The following PVT1 variants were observed in gnomAD, a reference collection of about 807,000 sequenced individuals.
PVT1 encodes the protein CXCR4/PVT1 fusion.
chr8:128,065,908 G>A (rs1340089854), intron 4 of PVT1, among the ~76,000 whole-genome samples: 1 of 152,240 alleles, frequency 6.6e-6, no homozygotes, highest in Admixed American at 6.5e-5. Context: ...GAGTCCTACT[G>A]TGTGCCCCAC....
chr8:128,058,330 G>T (rs1813786443), intron 4 of PVT1, among the ~76,000 whole-genome samples: 1 of 151,928 alleles, frequency 6.6e-6, no homozygotes, highest in African/African-American at 2.4e-5. Context: ...CAGAAAAAGT[G>T]AAAAACCCTT....
rs571515869 is a variant in PVT1 at position 128,050,200 on chromosome 8, T to C, written n.913-19960T>C. The stretch of plus-strand genomic sequence containing the variant: ...CCAGCAGTTCCTGACTTTGCTTCCT[T>C]CCTGTTGGTGCCCACTCTGTTTCCT... On this transcript the variant is annotated intron_variant and non_coding_transcript_variant, in intron 4 of 10. Transcript: ENST00000651587. Among the ~76,000 whole-genome samples, 10 of 152,306 alleles carry C rather than the reference T, an allele frequency of 6.6e-5. No homozygotes were observed. The East Asian group carries it at 1.3e-3, about 21-fold the overall frequency.
intron 3 of PVT1, among the ~76,000 whole-genome samples, chr8:127,984,923 CTT>C (rs1816941275): frequency 8.3e-6 from 1 of 120,200 alleles, no homozygotes; most frequent in Non-Finnish European, 1.7e-5. Context: ...CTTTCTTTCT[CTT>C]TCTCTTTCTT....
intron 4 of PVT1, among the ~76,000 whole-genome samples, chr8:128,042,733 G>GATTTATTTTATTTTATTTTA (rs1563673627): frequency 6.4e-4 from 50 of 78,164 alleles, no homozygotes; most frequent in African/African-American, 2.1e-3. Flanking sequence ...TGGACTAGGT[G>GATTTATTTTATTTTATTTTA]GTTTATTTTA....
chr8:127,917,972 A>C (rs1816008961), intron 3 of PVT1, among the ~76,000 whole-genome samples: 1 of 152,248 alleles, frequency 6.6e-6, no homozygotes, highest in Non-Finnish European at 1.5e-5. Flanking sequence ...CAGCATTTCT[A>C]ATAAGCAGCC....
chr8:127,915,189 A>G (rs1410575007), intron 3 of PVT1, among the ~76,000 whole-genome samples: 1 of 152,168 alleles, frequency 6.6e-6, no homozygotes, highest in Admixed American at 6.5e-5. Flanking sequence ...CATGGTGATT[A>G]TACCACATTG....
At chr8:128,037,720 G>A (rs1305857740) in intron 4 of PVT1, among the ~76,000 whole-genome samples, 2 of 152,198 alleles carry the variant, frequency 1.3e-5, no homozygotes, top group Non-Finnish European at 2.9e-5. Context: ...AGGAGCACAC[G>A]AAGCTCAGTC....
intron 3 of PVT1, among the ~76,000 whole-genome samples, chr8:127,968,222 C>A (rs62512811): frequency 0.021 from 3,263 of 152,214 alleles, 43 homozygotes; most frequent in Non-Finnish European, 0.033. Flanking sequence ...TCCAAAGTGA[C>A]CCTCCTGCCT....
At chr8:128,099,675 T>A (rs1814476614) in intron 6 of PVT1, 1 of 152,222 alleles carries the variant, frequency 6.6e-6, no homozygotes, top group South Asian at 2.1e-4. Context: ...TTAATACCAG[T>A]AATCACCCCA....
At chr8:127,835,993 G>C (rs944848004) in intron 2 of PVT1, among the ~76,000 whole-genome samples, 57 of 152,164 alleles carry the variant, frequency 3.7e-4, no homozygotes, top group African/African-American at 1.3e-3. Flanking sequence ...GCACTTGCTG[G>C]TCCCAGATCC....
chr8:127,894,460 CT>C lies in PVT1; in HGVS notation n.782+3463del, dbSNP rs533429238. On this transcript the variant is annotated intron_variant and non_coding_transcript_variant, in intron 3 of 10. Coordinates refer to ENST00000651587, the Ensembl canonical transcript of PVT1. ...GAGATCCAGAAAGCTGCCACGGTTACTGATGGAGAGAGCAGAGAAGCTGGTG... is the reference window on the plus strand; with the variant it reads ...GAGATCCAGAAAGCTGCCACGGTTACGATGGAGAGAGCAGAGAAGCTGGTG... Among the ~76,000 whole-genome samples, 581 of 152,324 alleles carry C rather than the reference CT, an allele frequency of 3.8e-3. 4 individuals carry two copies. Among genetic ancestry groups the C allele is most frequent in the Non-Finnish European group, 5.8e-3 (394 of 68,030 alleles).
At chr8:128,072,685 C>G (rs1814012620) in intron 5 of PVT1, among the ~76,000 whole-genome samples, 1 of 152,126 alleles carries the variant, frequency 6.6e-6, no homozygotes, top group South Asian at 2.1e-4. Context: ...GGACTGGAGG[C>G]AGGCACCGCT....
intron 3 of PVT1, among the ~76,000 whole-genome samples, chr8:127,950,330 G>C (rs1473908673): frequency 6.6e-6 from 1 of 152,184 alleles, no homozygotes; most frequent in Non-Finnish European, 1.5e-5. Flanking sequence ...GCTGAGACCT[G>C]GGTGTTTCTG....
intron 2 of PVT1, among the ~76,000 whole-genome samples, chr8:127,814,204 C>T (rs2129666638): frequency 6.6e-6 from 1 of 152,348 alleles, no homozygotes; most frequent in African/African-American, 2.4e-5. Flanking sequence ...GACCTCCATC[C>T]TCCTTCTCCA....
At chr8:127,977,763 A>G (rs985045431) in intron 3 of PVT1, among the ~76,000 whole-genome samples, 4 of 152,178 alleles carry the variant, frequency 2.6e-5, no homozygotes, top group African/African-American at 9.7e-5. Context: ...ATCAGTTCTG[A>G]CACTTGCATT....
intron 5 of PVT1, among the ~76,000 whole-genome samples, chr8:128,071,141 C>T (rs1813982419): frequency 6.6e-6 from 1 of 152,170 alleles, no homozygotes. Flanking sequence ...ACATGAGACC[C>T]ATTTCCACAC....
At chr8:128,096,322 TAGG>T (rs924415631) in intron 5 of PVT1, among the ~76,000 whole-genome samples, 1 of 152,200 alleles carries the variant, frequency 6.6e-6, no homozygotes, top group Non-Finnish European at 1.5e-5. Context: ...GGCCCACAGT[TAGG>T]AGCCTCTCGA....
chr8:127,889,440 T>A (rs534078767), intron 2 of PVT1, among the ~76,000 whole-genome samples: 1 of 147,450 alleles, frequency 6.8e-6, no homozygotes, highest in East Asian at 1.9e-4. Context: ...TCAAACCCTT[T>A]TCCTGTGATT....
intron 3 of PVT1, among the ~76,000 whole-genome samples, chr8:127,970,548 C>A (rs1317128808): frequency 2.0e-5 from 3 of 152,008 alleles, no homozygotes; most frequent in Admixed American, 6.6e-5. Context: ...ATCCGCCCGC[C>A]TCGGCCTCCC....
Sources: allele counts gnomAD v4.1 joint callset (sites outside exome capture counted in the v4.1 genomes callset), GRCh38; gene constraint gnomAD v4.1.1; transcripts MANE v1.5; gene names NCBI Gene and HGNC (gene_info 2026-07-23, HGNC 2026-07-21).